Variants in SPOPL observed in about 807,000 individuals in gnomAD.
SPOPL encodes speckle type BTB/POZ protein like.
Under a neutral mutation model 53.8 loss-of-function variants are expected in SPOPL, and 23 were observed. That is an observed-to-expected ratio of 0.43 (90% CI 0.31 to 0.61). The LOEUF is 0.61. SPOPL is among the 20% of genes least tolerant of loss of function. The pLI is 0.12. For synonymous variants in SPOPL, 164 were observed against 149.7 expected, an observed-to-expected ratio of 1.10 and a Z score of -0.70; for missense variants, 442 against 466.9, an observed-to-expected ratio of 0.95 and a Z score of 0.49.
rs779550767 is a variant in SPOPL at position 138,559,095 on chromosome 2, G to A, written c.554G>A (p.Arg185His). 4.3e-6 allele frequency: 7 copies of A among 1,613,772 alleles called. No homozygotes were observed. The highest frequency in any genetic ancestry group is 3.3e-5 in the Admixed American group (2 of 60,016). The change falls in exon 6 of 11, where the codon CGT (arginine) becomes CAT (histidine). Residue 185 changes from arginine (R) to histidine (H), a missense_variant. Transcript: ENST00000280098. ...AATACTTTGAAGGTGCCTGAGTGTCGTCTAGCAGAAGATTTAGGTAATCTC... is the reference window on the plus strand; with the variant it reads ...AATACTTTGAAGGTGCCTGAGTGTCATCTAGCAGAAGATTTAGGTAATCTC... ...NTNTLKVPEC[R>H]LAEDLGNLWE...
At chr2:138,560,207 A>G (rs1685513926) in intron 7 of SPOPL, among the ~76,000 whole-genome samples, 1 of 152,202 alleles carries the variant, frequency 6.6e-6, no homozygotes, top group Non-Finnish European at 1.5e-5. Context: ...ATATGATAAT[A>G]CATGCCATTT....
chr2:138,568,729 G>A (rs1166909906), intron 10 of SPOPL, among the ~76,000 whole-genome samples: 1 of 152,028 alleles, frequency 6.6e-6, no homozygotes, highest in Non-Finnish European at 1.5e-5. Flanking sequence ...TAAGGGAGCC[G>A]AACTTCCAGA....
At chr2:138,562,049 A>G (rs1685561613) in intron 8 of SPOPL, among the ~76,000 whole-genome samples, 1 of 152,226 alleles carries the variant, frequency 6.6e-6, no homozygotes, top group South Asian at 2.1e-4. Flanking sequence ...GAAGACTTAA[A>G]TAAGTACATA....
At chr2:138,561,975 T>C (rs2104903291) in intron 8 of SPOPL, among the ~76,000 whole-genome samples, 1 of 152,186 alleles carries the variant, frequency 6.6e-6, no homozygotes, top group Non-Finnish European at 1.5e-5. Context: ...TGTATCTCCC[T>C]GTTTCTACAA....
intron 5 of SPOPL, among the ~76,000 whole-genome samples, chr2:138,556,846 G>A (rs1685435031): frequency 6.6e-6 from 1 of 152,104 alleles, no homozygotes; most frequent in Non-Finnish European, 1.5e-5. Flanking sequence ...GAAAAATATT[G>A]TACGAAGAGC....
At chr2:138,552,355 T>A (rs951304820) in intron 4 of SPOPL, among the ~76,000 whole-genome samples, 199 bp from the exon 5 acceptor site, 3 of 152,052 alleles carry the variant, frequency 2.0e-5, no homozygotes, top group Admixed American at 2.0e-4. Context: ...TGGCCAAAAT[T>A]GAGTAGGCAT....
At position 138,570,926 on chromosome 2, in the gene SPOPL, C is replaced by T. The variant is rs925203327; in HGVS notation, c.*1846C>T. On this transcript the variant is annotated 3_prime_UTR_variant, in exon 11 of 11. Transcript: ENST00000280098. The stretch of plus-strand genomic sequence containing the variant: ...CTTTCTATGTAGTTTCATTCTTTGT[C>T]GTGGTAACTTAAATTTGAAATTGGA... 8 of 151,952 alleles carry T rather than the reference C, an allele frequency of 5.3e-5. 1 individual carries two copies. In the South Asian group the frequency reaches 1.0e-3, roughly 20 times the overall value. 9.4% of individuals were successfully genotyped at this position (151,952 alleles called of 1,614,324 possible). A position where few individuals can be genotyped will look rare whatever the true frequency, so the allele number is the denominator to read the frequency against.
Position 138,560,154 on chromosome 2 carries a change from CT to C in SPOPL, c.715-648del, listed in dbSNP as rs879730809. Reference sequence around the variant, plus strand: ...CAAAAACACGCAGTAAAAAAGCACTCTTTGGACTTGACTATTTTTCAGGTAA... The same window carrying C: ...CAAAAACACGCAGTAAAAAAGCACTCTTGGACTTGACTATTTTTCAGGTAA... On this transcript the variant is annotated intron_variant, in intron 7 of 10. Transcript: ENST00000280098. Among the ~76,000 whole-genome samples, 19 of 152,158 alleles carry C rather than the reference CT, an allele frequency of 1.2e-4. 1 individual carries two copies. Among genetic ancestry groups the C allele is most frequent in the Non-Finnish European group, 1.9e-4 (13 of 68,032 alleles).
At chr2:138,518,953 G>A (rs994443993) in intron 1 of SPOPL, among the ~76,000 whole-genome samples, 2 of 152,152 alleles carry the variant, frequency 1.3e-5, no homozygotes, top group Admixed American at 1.3e-4. Flanking sequence ...AATTTATTGA[G>A]TGCTTTCTAT....
intron 1 of SPOPL, among the ~76,000 whole-genome samples, chr2:138,507,063 G>A (rs35539989): frequency 6.6e-6 from 1 of 152,022 alleles, no homozygotes; most frequent in African/African-American, 2.4e-5. Context: ...ATGCAACTGG[G>A]AAATTAAGTG....
At chr2:138,544,735 A>G (rs1265485132) in intron 1 of SPOPL, among the ~76,000 whole-genome samples, 12 of 152,170 alleles carry the variant, frequency 7.9e-5, no homozygotes, top group Admixed American at 7.8e-4. Context: ...CGCTGCACCC[A>G]CTGTCCTGCA....
intron 10 of SPOPL, among the ~76,000 whole-genome samples, chr2:138,568,435 C>A (rs1366377416): frequency 1.3e-5 from 2 of 151,852 alleles, no homozygotes; most frequent in Non-Finnish European, 2.9e-5. Flanking sequence ...GAGGCACATC[C>A]AAGTGAAAAA....
chr2:138,561,968 A>G (rs1289243761), intron 8 of SPOPL, among the ~76,000 whole-genome samples: 1 of 152,050 alleles, frequency 6.6e-6, no homozygotes, highest in Non-Finnish European at 1.5e-5. Flanking sequence ...CTGCACATGT[A>G]TCTCCCTGTT....
chr2:138,566,297 G>T (rs1460480494), intron 10 of SPOPL, among the ~76,000 whole-genome samples: 1 of 152,010 alleles, frequency 6.6e-6, no homozygotes, highest in Non-Finnish European at 1.5e-5. Flanking sequence ...TACTATATTA[G>T]CATCAAATGG....
chr2:138,550,813 TTC>T (rs977195828), intron 3 of SPOPL, 88 bp from the exon 4 acceptor site: 31 of 1,244,002 alleles, frequency 2.5e-5, no homozygotes, highest in African/African-American at 9.3e-5. Context: ...GATTTCAGTG[TTC>T]TCTCTCTCTC....
Position 138,556,697 on chromosome 2 carries a change from G to A in SPOPL, c.481-2325G>A, listed in dbSNP as rs570851221. ...ACTTGATTAAAAACTTGATAAGATA[G>A]GAGCACCTTTATTGGCAGATTTATT... On this transcript the variant is annotated intron_variant, in intron 5 of 10. Coordinates refer to ENST00000280098, the MANE Select transcript of SPOPL (RefSeq NM_001001664.3). Among the ~76,000 whole-genome samples, 45 of 152,156 alleles carry A rather than the reference G, an allele frequency of 3.0e-4. No individual in the cohort carries two copies. In the South Asian group the frequency reaches 8.7e-3, roughly 29 times the overall value.
chr2:138,567,266 A>G (rs1240601832), intron 10 of SPOPL, among the ~76,000 whole-genome samples: 5 of 152,136 alleles, frequency 3.3e-5, no homozygotes, highest in South Asian at 2.1e-4. Flanking sequence ...TGCCGGAAAT[A>G]TTGTAGAGGT....
At chr2:138,509,771 A>G (rs1033039363) in intron 1 of SPOPL, among the ~76,000 whole-genome samples, 2 of 152,168 alleles carry the variant, frequency 1.3e-5, no homozygotes, top group Non-Finnish European at 2.9e-5. Flanking sequence ...ACCCATCATT[A>G]TCATCCAGAG....
intron 4 of SPOPL, 128 bp downstream of exon 4, chr2:138,551,182 T>A: frequency 1.0e-6 from 1 of 993,794 alleles, no homozygotes; most frequent in East Asian, 2.6e-5. Flanking sequence ...AACTTTTAAT[T>A]TGACCATTAT....
Sources: allele counts gnomAD v4.1 joint callset (sites outside exome capture counted in the v4.1 genomes callset), GRCh38; gene constraint gnomAD v4.1.1; transcripts MANE v1.5; gene names NCBI Gene and HGNC (gene_info 2026-07-23, HGNC 2026-07-21).